The following CLSTN1 variants were observed in gnomAD, a reference collection of about 807,000 sequenced individuals.
CLSTN1 encodes calsyntenin 1.
In CLSTN1, 28 loss-of-function variants were observed where a neutral mutation model predicts 108.3. The observed-to-expected ratio is 0.26, with a 90% CI of 0.19 to 0.35. CLSTN1 has a LOEUF of 0.35. CLSTN1 is among the 10% of genes least tolerant of loss of function. The pLI, the probability that CLSTN1 is intolerant of heterozygous loss-of-function variation, is 1.00. For synonymous variants in CLSTN1, 524 were observed against 534.9 expected (o/e 0.98, Z 0.28); for missense variants, 1,157 against 1,302.6 (o/e 0.89, Z 1.72).
At chr1:9,779,492 G>A (rs1653140559) in intron 1 of CLSTN1, among the ~76,000 whole-genome samples, 3 of 152,274 alleles carry the variant, frequency 2.0e-5, no homozygotes, top group African/African-American at 2.4e-5. Flanking sequence ...GGGAGGTGGA[G>A]GTTGCAGTGA....
chr1:9,736,058 G>T lies in CLSTN1; in HGVS notation c.1577-16C>A, dbSNP rs769967160. 1.2e-6 allele frequency: 2 copies of T among 1,614,096 alleles called. No individual in the cohort carries two copies. Among genetic ancestry groups the T allele is most frequent in the South Asian group, 2.2e-5 (2 of 91,082 alleles). ...AGGTCGCCACCTTTGGGTCAGGGGA[G>T]AAAAGGCGAAGTCAGGCGTGCAACC... On this transcript the variant is annotated splice_polypyrimidine_tract_variant and intron_variant, in intron 11 of 18. Coordinates refer to ENST00000377298, the MANE Select transcript of CLSTN1 (RefSeq NM_001009566.3).
At chr1:9,803,208 A>T (rs1229618921) in intron 1 of CLSTN1, among the ~76,000 whole-genome samples, 1 of 152,200 alleles carries the variant, frequency 6.6e-6, no homozygotes, top group Admixed American at 6.6e-5. Flanking sequence ...AGATTCTAAA[A>T]GCAAAGGATT....
chr1:9,742,469 T>C (rs1480904333), intron 9 of CLSTN1, among the ~76,000 whole-genome samples: 1 of 152,206 alleles, frequency 6.6e-6, no homozygotes, highest in Non-Finnish European at 1.5e-5. Flanking sequence ...TGCTTTTATA[T>C]AAATCTGAAA....
At position 9,756,598 on chromosome 1, in the gene CLSTN1, A is replaced by G. The variant is rs1570457450; in HGVS notation, c.215-88T>C. On this transcript the variant is annotated intron_variant, in intron 2 of 18. Transcript: ENST00000377298. The stretch of plus-strand genomic sequence containing the variant: ...AAGGAAAAAAGTCAAAGGTGCACAT[A>G]TTACACATTTCCACACCAAGCTCAG... 9.2e-6 allele frequency: 10 copies of G among 1,090,840 alleles called. No homozygotes were observed. The East Asian group carries it at 2.1e-4, about 23-fold the overall frequency. 67.6% of individuals were successfully genotyped at this position (1,090,840 alleles called of 1,614,324 possible).
intron 1 of CLSTN1, among the ~76,000 whole-genome samples, chr1:9,793,408 C>T (rs1053455110): frequency 1.3e-5 from 2 of 151,380 alleles, no homozygotes; most frequent in South Asian, 2.2e-4. Context: ...CGTAATGGGG[C>T]GCCAGGCAAG....
intron 1 of CLSTN1, among the ~76,000 whole-genome samples, chr1:9,788,201 C>A (rs950942212): frequency 4.0e-5 from 6 of 151,404 alleles, no homozygotes; most frequent in African/African-American, 1.4e-4. Flanking sequence ...GGCTGCAGTA[C>A]GCCAAGATGG....
At position 9,777,716 on chromosome 1, in the gene CLSTN1, T is replaced by C. The variant is rs189107705; in HGVS notation, c.92-4322A>G. Among the ~76,000 whole-genome samples, 92 of 152,260 alleles carry C rather than the reference T, an allele frequency of 6.0e-4. 1 individual carries two copies. Among genetic ancestry groups the C allele is most frequent in the African/African-American group, 2.1e-3 (87 of 41,564 alleles). ...GTTGTCCACCTTCACAGAAGACACCTGAGTTCTCGTCTCTACCCCCGCTCC... is the reference window on the plus strand; with the variant it reads ...GTTGTCCACCTTCACAGAAGACACCCGAGTTCTCGTCTCTACCCCCGCTCC... On this transcript the variant is annotated intron_variant, in intron 1 of 18. Transcript: ENST00000377298.
rs1242495511 is a variant in CLSTN1 at position 9,736,816 on chromosome 1, G to A, written c.1576+682C>T. Among the ~76,000 whole-genome samples the A allele has an allele frequency of 2.6e-5, 4 of 152,334 alleles. No homozygotes were observed. The East Asian group carries it at 5.8e-4, about 22-fold the overall frequency. On this transcript the variant is annotated intron_variant, in intron 11 of 18. Transcript: ENST00000377298. ...TTGCCAGGCATGGTGGCTCACGCCT[G>A]TAATCCCAGCGCTTCAGGAGGCCGA...
intron 2 of CLSTN1, among the ~76,000 whole-genome samples, chr1:9,760,798 G>T (rs1387804580): frequency 6.6e-6 from 1 of 151,060 alleles, no homozygotes; most frequent in Non-Finnish European, 1.5e-5. Context: ...CTCAGAGCTG[G>T]GATTACAGGC....
intron 2 of CLSTN1, among the ~76,000 whole-genome samples, chr1:9,757,853 T>C (rs1158161840): frequency 1.3e-5 from 2 of 152,198 alleles, no homozygotes; most frequent in Non-Finnish European, 2.9e-5. Context: ...TGGTGGCACC[T>C]TCTCTCCCCC....
chr1:9,737,043 A>C (rs958202360), intron 11 of CLSTN1, among the ~76,000 whole-genome samples: 2 of 152,158 alleles, frequency 1.3e-5, no homozygotes, highest in African/African-American at 4.8e-5. Flanking sequence ...ACTGCACTCC[A>C]GCCCAGACAA....
At chr1:9,732,901 G>C (rs1650483621) in intron 16 of CLSTN1, among the ~76,000 whole-genome samples, 1 of 152,218 alleles carries the variant, frequency 6.6e-6, no homozygotes, top group Admixed American at 6.5e-5. Context: ...TTCTAAAACA[G>C]TGTCTTTGGC....
At chr1:9,756,389 C>T in intron 3 of CLSTN1, 92 bp downstream of exon 3, 1 of 957,670 alleles carries the variant, frequency 1.0e-6, no homozygotes, top group South Asian at 1.4e-5. Flanking sequence ...AAGAGCATGA[C>T]AGTTTCTCCT....
intron 1 of CLSTN1, among the ~76,000 whole-genome samples, chr1:9,817,891 C>T (rs950745733): frequency 1.1e-4 from 17 of 151,690 alleles, no homozygotes; most frequent in African/African-American, 2.7e-4. Context: ...AGGGAAAAGA[C>T]GGGTATTGTA....
chr1:9,737,413 G>T lies in CLSTN1; in HGVS notation c.1576+85C>A. On this transcript the variant is annotated intron_variant, in intron 11 of 18. Coordinates refer to ENST00000377298, the MANE Select transcript of CLSTN1 (RefSeq NM_001009566.3). Reference sequence around the variant, plus strand: ...TGGTGTCCAGGACCAAAATGCAACTGGGGCGTTTCATGCGACACGTGGAAT... The same window carrying T: ...TGGTGTCCAGGACCAAAATGCAACTTGGGCGTTTCATGCGACACGTGGAAT... The T allele has an allele frequency of 4.0e-6, 5 of 1,251,582 alleles. No homozygotes were observed. The South Asian group carries it at 6.0e-5, about 15-fold the overall frequency. The allele number at this position is 1,251,582 out of a possible 1,614,324, so 77.5% of individuals were successfully genotyped here.
chr1:9,796,266 CA>C (rs70998312), intron 1 of CLSTN1, among the ~76,000 whole-genome samples: 100,249 of 125,984 alleles, frequency 0.8, 39,074 homozygotes, highest in Middle Eastern at 0.91. Context: ...TCTCCAAAAA[CA>C]AAAAAAAAAA....
At chr1:9,816,177 T>C (rs1459528386) in intron 1 of CLSTN1, among the ~76,000 whole-genome samples, 1 of 152,170 alleles carries the variant, frequency 6.6e-6, no homozygotes, top group Non-Finnish European at 1.5e-5. Context: ...TATTTACCTA[T>C]GAAAAGAAAC....
At position 9,755,485 on chromosome 1, in the gene CLSTN1, C is replaced by G. The variant is rs4512653; in HGVS notation, c.245-176G>C. On this transcript the variant is annotated intron_variant, in intron 3 of 18. Coordinates refer to ENST00000377298, the MANE Select transcript of CLSTN1 (RefSeq NM_001009566.3). ...TGTGTTTTAAACATGGGGAAGTTCTCGGGCTTTAGTAAGATGAAGCAGATT... is the reference window on the plus strand; with the variant it reads ...TGTGTTTTAAACATGGGGAAGTTCTGGGGCTTTAGTAAGATGAAGCAGATT... Among the ~76,000 whole-genome samples the G allele has an allele frequency of 0.24, 36,116 of 152,084 alleles. 8,905 individuals carry two copies. The highest frequency in any genetic ancestry group is 0.62 in the African/African-American group (25,838 of 41,460).
intron 11 of CLSTN1, among the ~76,000 whole-genome samples, chr1:9,736,881 T>C (rs890446385): frequency 6.6e-6 from 1 of 152,062 alleles, no homozygotes; most frequent in Non-Finnish European, 1.5e-5. Flanking sequence ...GAGACCAGCC[T>C]GGCGAACATG....
Sources: allele counts gnomAD v4.1 joint callset (sites outside exome capture counted in the v4.1 genomes callset), GRCh38; gene constraint gnomAD v4.1.1; transcripts MANE v1.5; gene names NCBI Gene and HGNC (gene_info 2026-07-23, HGNC 2026-07-21).